INTS6: variants seen among roughly 807,000 people sequenced by gnomAD.
The protein encoded by INTS6 is DEAD box protein.
A neutral mutation model predicts 104.9 loss-of-function variants in INTS6; 16 were observed. The ratio of observed to expected loss-of-function variants is 0.15; its 90% CI spans 0.10 to 0.23. The LOEUF (loss-of-function observed/expected upper bound fraction) is 0.23, where lower values mean the gene tolerates loss of function less well. Among genes scored for constraint, INTS6 ranks in the 10% least tolerant of loss-of-function variants. INTS6 has a pLI of 1.00. For missense variants in INTS6, 584 were observed against 1,062.8 expected, an observed-to-expected ratio of 0.55 and a Z score of 6.26; for synonymous variants, 324 against 358.7, an observed-to-expected ratio of 0.90 and a Z score of 1.09.
intron 4 of INTS6, among the ~76,000 whole-genome samples, chr13:51,416,372 C>T (rs1956787013): frequency 6.6e-6 from 1 of 152,126 alleles, no homozygotes; most frequent in African/African-American, 2.4e-5. Context: ...GAAAATGAAA[C>T]CCTTCTATAT....
chr13:51,344,217 A>G, the INTS6 span: 1 of 1,522,384 alleles, frequency 6.6e-7, no homozygotes. Flanking sequence ...ACTCACACTC[A>G]CCATTGTCAA....
chr13:51,441,625 C>T (rs1952798433), intron 3 of INTS6: 1 of 152,118 alleles, frequency 6.6e-6, no homozygotes, highest in Non-Finnish European at 1.5e-5. Context: ...TGGCATACTA[C>T]ATTGGAAAAA....
In INTS6 at chr13:51,369,251, G is replaced by A; in HGVS notation, c.2164C>T (p.Gln722Ter). 6.2e-7 allele frequency: 1 copy of A among 1,613,312 alleles called. No homozygotes were observed. The highest frequency in any genetic ancestry group is 8.5e-7 in the Non-Finnish European group (1 of 1,179,574). The change falls in exon 16 of 18, where the codon CAA becomes TAA. Residue 722 changes from glutamine to a stop codon, truncating the protein, a stop_gained. Coordinates refer to ENST00000311234, the MANE Select transcript of INTS6 (RefSeq NM_012141.3). LOFTEE classifies it high-confidence loss of function. Reference protein sequence around the residue: ...HDVVENHVADQLSSDITPNAM... With the variant: ...HDVVENHVAD ...TTTGGTGTAATGTCTGATGAAAGTT[G>A]GTCTGCAACATGATTTTCAACCACA...
At chr13:51,449,715 G>A in intron 3 of INTS6, 2 of 985,114 alleles carry the variant, frequency 2.0e-6, no homozygotes, top group South Asian at 4.7e-5. Flanking sequence ...ATATCACAAA[G>A]GAATATAAAA....
chr13:51,438,062 C>G (rs939994127), intron 3 of INTS6: 2 of 151,838 alleles, frequency 1.3e-5, no homozygotes, highest in African/African-American at 4.8e-5. Flanking sequence ...TTTAAGGGGC[C>G]CTGGTTCGTA....
intron 15 of INTS6, among the ~76,000 whole-genome samples, chr13:51,373,950 C>A (rs569419164): frequency 6.6e-6 from 1 of 152,006 alleles, no homozygotes; most frequent in Non-Finnish European, 1.5e-5. Context: ...ATGCTCCTTT[C>A]GAAAGTATTA....
At chr13:51,361,506 A>G (rs1955574258), downstream of INTS6, 2 of 638,342 alleles carry the variant, frequency 3.1e-6, no homozygotes, top group Non-Finnish European at 5.4e-6. Flanking sequence ...AGGAACACTA[A>G]AGAAAACAAA....
At chr13:51,450,797 A>C in intron 3 of INTS6, 1 of 1,161,296 alleles carries the variant, frequency 8.6e-7, no homozygotes, top group Non-Finnish European at 1.1e-6. Context: ...TTTATAGCAA[A>C]AGTTTCAGAT....
intron 12 of INTS6, 151 bp downstream of exon 12, chr13:51,378,088 G>T: frequency 3.3e-6 from 2 of 613,588 alleles, no homozygotes; most frequent in Non-Finnish European, 2.9e-6. Context: ...TTTAATTCTA[G>T]CAGTGACAGT....
chr13:51,393,117 A>T (rs1593699371), intron 5 of INTS6, among the ~76,000 whole-genome samples: 1 of 147,160 alleles, frequency 6.8e-6, no homozygotes, highest in South Asian at 2.1e-4. Context: ...TCTCTCTGTC[A>T]GCCAGGCTGG....
the INTS6 span, among the ~76,000 whole-genome samples, chr13:51,347,488 T>A: frequency 5.8e-4 from 88 of 152,244 alleles, no homozygotes; most frequent in Middle Eastern, 3.4e-3. Flanking sequence ...TGCCTGACAT[T>A]TCCTTCTGCA....
chr13:51,398,435 T>C (rs901542774), intron 4 of INTS6, among the ~76,000 whole-genome samples: 22 of 152,214 alleles, frequency 1.4e-4, no homozygotes, highest in African/African-American at 5.1e-4. Flanking sequence ...GAAATCCATA[T>C]GACCTATAAA....
rs542112993 is a variant in INTS6 at position 51,371,553 on chromosome 13, GACTC to G, written c.2105-2247_2105-2244del. Among the ~76,000 whole-genome samples, 320 of 151,978 alleles carry G rather than the reference GACTC, an allele frequency of 2.1e-3. 2 individuals carry two copies. Among genetic ancestry groups the G allele is most frequent in the Middle Eastern group, 0.017 (5 of 294 alleles). Reference sequence around the variant, plus strand: ...TCTGCCAAGCAAAATCCCATCTCTTGACTCACTATCTGCTTGCCCCAGACTTGCA... The same window carrying G: ...TCTGCCAAGCAAAATCCCATCTCTTGACTATCTGCTTGCCCCAGACTTGCA... On this transcript the variant is annotated intron_variant, in intron 15 of 17. Transcript: ENST00000311234.
chr13:51,346,451 A>C, the INTS6 span, among the ~76,000 whole-genome samples: 1 of 152,232 alleles, frequency 6.6e-6, no homozygotes, highest in East Asian at 1.9e-4. Context: ...GCAGCATCCC[A>C]ACCTGTTCAG....
chr13:51,408,059 T>A (rs1194895116), intron 4 of INTS6, among the ~76,000 whole-genome samples: 1 of 149,816 alleles, frequency 6.7e-6, no homozygotes, highest in Non-Finnish European at 1.5e-5. Context: ...AATGCTAAAG[T>A]ATAACTATAG....
chr13:51,383,580 T>C lies in INTS6; in HGVS notation c.1047+9A>G, dbSNP rs1236359516. On this transcript the variant is annotated intron_variant, in intron 8 of 17. Coordinates refer to ENST00000311234, the MANE Select transcript of INTS6 (RefSeq NM_012141.3). ...AAATTTTGGGGTCACTGTAAGTTGT[T>C]CAGCTTACCTGCCAACATGTTTGAG... is the stretch of plus-strand genomic sequence containing the variant. 7 of 1,612,522 alleles carry C rather than the reference T, an allele frequency of 4.3e-6. No individual in the cohort carries two copies. The highest frequency in any genetic ancestry group is 1.7e-5 in the Admixed American group (1 of 59,834).
At chr13:51,397,418 C>T (rs1956358549) in intron 4 of INTS6, among the ~76,000 whole-genome samples, 1 of 152,190 alleles carries the variant, frequency 6.6e-6, no homozygotes, top group Non-Finnish European at 1.5e-5. Flanking sequence ...AGTTCTTTCT[C>T]TGGCACGTAA....
intron 4 of INTS6, chr13:51,422,994 T>A: frequency 9.0e-7 from 1 of 1,108,394 alleles, no homozygotes; most frequent in Non-Finnish European, 1.2e-6. Context: ...TGCCATGAGA[T>A]TTATCTTAAT....
At chr13:51,438,295 A>G (rs1419297783) in intron 3 of INTS6, 1 of 152,098 alleles carries the variant, frequency 6.6e-6, no homozygotes, top group Non-Finnish European at 1.5e-5. Context: ...TTCAAAGTAG[A>G]TAACATTTTC....
Sources: allele counts gnomAD v4.1 joint callset (sites outside exome capture counted in the v4.1 genomes callset), GRCh38; gene constraint gnomAD v4.1.1; transcripts MANE v1.5; gene names NCBI Gene and HGNC (gene_info 2026-07-23, HGNC 2026-07-21).